Variants in CNTN6 observed in about 807,000 individuals in gnomAD.
CNTN6 encodes the protein contactin 6, also known as contactin-6.
CNTN6 carries 137 observed loss-of-function variants against 122.8 expected under a neutral mutation model. That is an observed-to-expected ratio of 1.12 (90% confidence interval 0.97 to 1.29). The LOEUF (loss-of-function observed/expected upper bound fraction) is 1.29. Among genes scored for constraint, CNTN6 ranks in the 50% most tolerant of loss-of-function variants. CNTN6 has a pLI of 0.00. For synonymous variants in CNTN6, 570 were observed against 426.0 expected (o/e 1.34, Z -4.16); for missense variants, 1,634 against 1,223.4 (o/e 1.34, Z -5.01).
At chr3:1,283,991 T>G (rs7651222) in intron 5 of CNTN6, among the ~76,000 whole-genome samples, 1 of 152,186 alleles carries the variant, frequency 6.6e-6, no homozygotes, top group East Asian at 1.9e-4. Flanking sequence ...AAGAGTGAGA[T>G]TTCATCTCAA....
At chr3:1,270,209 A>G (rs978510250) in intron 4 of CNTN6, among the ~76,000 whole-genome samples, 1 of 152,220 alleles carries the variant, frequency 6.6e-6, no homozygotes, top group African/African-American at 2.4e-5. Context: ...CTCTGTGCCA[A>G]TTAATAAAGG....
chr3:1,280,723 C>T (rs983896433), intron 5 of CNTN6, among the ~76,000 whole-genome samples: 1 of 151,924 alleles, frequency 6.6e-6, no homozygotes, highest in Non-Finnish European at 1.5e-5. Flanking sequence ...CCTCGGCCTC[C>T]CAAAGTGCTG....
At chr3:1,318,558 A>G (rs536598051) in intron 7 of CNTN6, among the ~76,000 whole-genome samples, 4 of 151,912 alleles carry the variant, frequency 2.6e-5, no homozygotes, top group African/African-American at 9.6e-5. Flanking sequence ...GTTTTTAGAA[A>G]GAACCCAAAG....
At chr3:1,253,677 C>T (rs561368068) in intron 4 of CNTN6, among the ~76,000 whole-genome samples, 83 of 152,210 alleles carry the variant, frequency 5.5e-4, no homozygotes, top group African/African-American at 1.4e-3. Flanking sequence ...CTAGATCCCT[C>T]GTATGCGCAG....
chr3:1,149,865 C>G (rs1039964821), intron 2 of CNTN6, among the ~76,000 whole-genome samples: 3 of 151,964 alleles, frequency 2.0e-5, no homozygotes, highest in Non-Finnish European at 4.4e-5. Flanking sequence ...TCTAAAAGAC[C>G]TTTTGTGTTA....
chr3:1,278,594 C>A (rs754577036), intron 5 of CNTN6, 86 bp downstream of exon 5: 112 of 778,238 alleles, frequency 1.4e-4, no homozygotes, highest in Non-Finnish European at 2.1e-4. Flanking sequence ...TCAGTGATCA[C>A]CTTTTATCAA....
chr3:1,175,994 G>A (rs1029688991), intron 2 of CNTN6, among the ~76,000 whole-genome samples: 1 of 152,150 alleles, frequency 6.6e-6, no homozygotes, highest in Non-Finnish European at 1.5e-5. Flanking sequence ...ACTAAATCTG[G>A]GGTGAGATTG....
chr3:1,300,595 AAGAAAGAAAGAG>A (rs1316649681), intron 7 of CNTN6, among the ~76,000 whole-genome samples: 8 of 122,618 alleles, frequency 6.5e-5, no homozygotes, highest in Non-Finnish European at 1.0e-4. Flanking sequence ...GAAAGAAAGA[AAGAAAGAAAGAG>A]AGAAAGAAAG....
At chr3:1,344,562 T>C (rs534438807) in intron 11 of CNTN6, among the ~76,000 whole-genome samples, 3 of 152,250 alleles carry the variant, frequency 2.0e-5, no homozygotes, top group Admixed American at 6.5e-5. Flanking sequence ...GATAAGCAGA[T>C]TGGAGAGTGA....
In CNTN6 at chr3:1,403,560, A is replaced by C; in HGVS notation, c.*142A>C. 2.0e-6 allele frequency: 1 copy of C among 493,376 alleles called. No individual in the cohort carries two copies. Among genetic ancestry groups the C allele is most frequent in the Non-Finnish European group, 3.5e-6 (1 of 282,482 alleles). 30.6% of individuals were successfully genotyped at this position (493,376 alleles called of 1,614,324 possible). A position where few individuals can be genotyped will look rare whatever the true frequency, so the allele number is the denominator to read the frequency against. ...AAAGTATATTATTAAAATCCTGTAA[A>C]TATCTATGGTATATTAATAAAACAA... On this transcript the variant is annotated 3_prime_UTR_variant, in exon 23 of 23. Coordinates refer to ENST00000446702, the MANE Select transcript of CNTN6 (RefSeq NM_001289080.2).
intron 2 of CNTN6, among the ~76,000 whole-genome samples, chr3:1,207,023 G>A (rs1048032733): frequency 6.6e-6 from 1 of 152,016 alleles, no homozygotes; most frequent in African/African-American, 2.4e-5. Flanking sequence ...CACTCAATCC[G>A]ATGATCTTCA....
intron 2 of CNTN6, among the ~76,000 whole-genome samples, chr3:1,217,603 T>C (rs1162906034): frequency 1.3e-5 from 2 of 152,214 alleles, no homozygotes; most frequent in Non-Finnish European, 2.9e-5. Flanking sequence ...GTTTCAATAA[T>C]ATTTTATCAA....
intron 12 of CNTN6, 109 bp downstream of exon 12, chr3:1,352,560 G>A: frequency 1.6e-6 from 2 of 1,289,468 alleles, no homozygotes; most frequent in Non-Finnish European, 1.1e-6. Flanking sequence ...TAAAATTGTT[G>A]ATTTCACAAG....
At chr3:1,298,921 A>G (rs1696742160) in intron 7 of CNTN6, among the ~76,000 whole-genome samples, 1 of 152,156 alleles carries the variant, frequency 6.6e-6, no homozygotes, top group South Asian at 2.1e-4. Context: ...TGTGGCCCTC[A>G]CATTTAGAAA....
chr3:1,388,283 C>G (rs1225848580), intron 20 of CNTN6, among the ~76,000 whole-genome samples: 1 of 148,286 alleles, frequency 6.7e-6, no homozygotes, highest in Non-Finnish European at 1.5e-5. Context: ...AACTGGGAGG[C>G]ACCCCCCAGC....
intron 1 of CNTN6, among the ~76,000 whole-genome samples, chr3:1,114,203 A>G (rs942591347): frequency 6.6e-6 from 1 of 152,178 alleles, no homozygotes; most frequent in African/African-American, 2.4e-5. Context: ...AGATAAAAGA[A>G]AGGAGAAGAG....
At chr3:1,270,805 TG>T (rs1483854319) in intron 4 of CNTN6, among the ~76,000 whole-genome samples, 1 of 152,240 alleles carries the variant, frequency 6.6e-6, no homozygotes, top group Non-Finnish European at 1.5e-5. Flanking sequence ...AAGGTCTGTC[TG>T]GGTGACTTTC....
At chr3:1,244,680 T>C (rs1210602870) in intron 4 of CNTN6, among the ~76,000 whole-genome samples, 2 of 152,088 alleles carry the variant, frequency 1.3e-5, no homozygotes, top group African/African-American at 4.8e-5. Flanking sequence ...AATAAAGCTG[T>C]TTATTTCACC....
chr3:1,377,069 G>A lies in CNTN6; in HGVS notation c.2160G>A (p.Thr720=), dbSNP rs17038365. The change falls in exon 17 of 23, where the codon ACG becomes ACA. Residue 720 remains threonine, a synonymous_variant. Coordinates refer to ENST00000446702, the MANE Select transcript of CNTN6 (RefSeq NM_001289080.2). The stretch of plus-strand genomic sequence containing the variant: ...GAAGTCGGTCTGAACTCGTCATTAC[G>A]TGGGAGGTAATTTTCTGTCCAACTG... ...GGGSRSELVI[T]WESIPEELQN... is the part of the protein sequence containing the mutation. 131,494 of 1,592,316 alleles carry A rather than the reference G, an allele frequency of 0.083. 5,924 individuals are homozygous for A. The highest frequency in any genetic ancestry group is 0.096 in the African/African-American group (7,135 of 74,380).
Sources: allele counts gnomAD v4.1 joint callset (sites outside exome capture counted in the v4.1 genomes callset), GRCh38; gene constraint gnomAD v4.1.1; transcripts MANE v1.5; gene names NCBI Gene and HGNC (gene_info 2026-07-23, HGNC 2026-07-21).